The following IKBKB variants were observed in gnomAD, a reference collection of about 807,000 sequenced individuals.
IKBKB encodes the protein inhibitor of nuclear factor kappa B kinase subunit beta.
IKBKB carries 42 observed loss-of-function variants against 113.6 expected under a neutral mutation model. The observed-to-expected ratio is 0.37, with a 90% CI of 0.29 to 0.48. IKBKB has a LOEUF of 0.48. Ranked by LOEUF, IKBKB falls within the 20% of genes least tolerant of loss-of-function variation. The probability of loss-of-function intolerance (pLI) is 0.99; values close to 1 mark genes in which losing one functional copy is unlikely to be tolerated. For missense variants in IKBKB, 673 were observed against 939.7 expected, an observed-to-expected ratio of 0.72 and a Z score of 3.71; for synonymous variants, 296 against 361.3, an observed-to-expected ratio of 0.82 and a Z score of 2.05.
At position 42,302,322 on chromosome 8, in the gene IKBKB, T is replaced by C. The variant is rs566398499; in HGVS notation, c.389-2865T>C. On this transcript the variant is annotated intron_variant, in intron 5 of 21. Coordinates refer to ENST00000520810, the MANE Select transcript of IKBKB (RefSeq NM_001556.3). ...GATGAAATATAATTTTTTAGGCACA[T>C]GGAAAGCAGCGAGTCTTTCACCTCA... Among the ~76,000 whole-genome samples, 4 of 152,370 alleles carry C rather than the reference T, an allele frequency of 2.6e-5. No homozygotes were observed. In the South Asian group the frequency reaches 8.3e-4, roughly 32 times the overall value.
chr8:42,328,062 G>A lies in IKBKB; in HGVS notation c.2115-1062G>A, dbSNP rs370170987. 1.6e-4 allele frequency among the ~76,000 whole-genome samples: 4 copies of A among 24,414 alleles called. 1 individual carries two copies. The highest frequency in any genetic ancestry group is 2.2e-3 in the Admixed American group (2 of 916). The allele number at this position is 24,414 out of a possible 152,430, so 16.0% of individuals were successfully genotyped here. On this transcript the variant is annotated intron_variant, in intron 20 of 21. Transcript: ENST00000520810. Reference sequence around the variant, plus strand: ...CCTGACCTCATGATCCACCCGCCTCGGCCTCCCAAAGTGCTGGGATTACAG... The same window carrying A: ...CCTGACCTCATGATCCACCCGCCTCAGCCTCCCAAAGTGCTGGGATTACAG...
At chr8:42,312,108 G>C (rs910864368) in intron 8 of IKBKB, among the ~76,000 whole-genome samples, 6 of 152,106 alleles carry the variant, frequency 3.9e-5, no homozygotes, top group African/African-American at 1.4e-4. Context: ...GGATGGTCTC[G>C]ATCTCCTGAC....
Position 42,331,722 on chromosome 8 carries a change from T to C in IKBKB, c.*743T>C, listed in dbSNP as rs1346447872. The C allele has an allele frequency of 2.6e-6, 1 of 392,054 alleles. No homozygotes were observed. The highest frequency in any genetic ancestry group is 4.7e-6 in the Non-Finnish European group (1 of 211,328). 24.3% of individuals were successfully genotyped at this position (392,054 alleles called of 1,614,324 possible). On this transcript the variant is annotated 3_prime_UTR_variant, in exon 22 of 22. Coordinates refer to ENST00000520810, the MANE Select transcript of IKBKB (RefSeq NM_001556.3). ...TAACCAGGATGGGAGAGCAGCTGCCTTATTCTGAATCCCAAAAATTACTTG... is the reference window on the plus strand; with the variant it reads ...TAACCAGGATGGGAGAGCAGCTGCCCTATTCTGAATCCCAAAAATTACTTG...
At chr8:42,301,825 C>A (rs761007983) in intron 5 of IKBKB, among the ~76,000 whole-genome samples, 51 of 152,358 alleles carry the variant, frequency 3.3e-4, no homozygotes, top group Non-Finnish European at 6.0e-4. Context: ...AATGCTCCTC[C>A]TCTTCACTGG....
intron 7 of IKBKB, 130 bp from the exon 8 acceptor site, chr8:42,308,771 C>A (rs189871853): frequency 2.5e-6 from 2 of 807,566 alleles, no homozygotes; most frequent in Admixed American, 4.6e-5. Flanking sequence ...GTGCCCTCCT[C>A]GCCCTGCATG....
chr8:42,271,446 C>T lies in IKBKB; in HGVS notation c.-42C>T, dbSNP rs936301704. 1.5e-5 allele frequency: 22 copies of T among 1,426,010 alleles called. No individual in the cohort carries two copies. The highest frequency in any genetic ancestry group is 2.0e-5 in the Non-Finnish European group (21 of 1,051,704). 88.3% of individuals were successfully genotyped at this position (1,426,010 alleles called of 1,614,324 possible). A position where few individuals can be genotyped will look rare whatever the true frequency, so the allele number is the denominator to read the frequency against. Reference sequence around the variant, plus strand: ...CTTCCCCGCCCCGGGGAGCCCGCCCCCTGCCCCGCGTCCCTGCCGACAGGT... The same window carrying T: ...CTTCCCCGCCCCGGGGAGCCCGCCCTCTGCCCCGCGTCCCTGCCGACAGGT... On this transcript the variant is annotated 5_prime_UTR_variant, in exon 1 of 22. Transcript: ENST00000520810.
intron 5 of IKBKB, among the ~76,000 whole-genome samples, chr8:42,303,489 GC>G (rs1160132001): frequency 6.6e-6 from 1 of 151,508 alleles, no homozygotes; most frequent in Admixed American, 6.6e-5. Context: ...GACATTCTTT[GC>G]CCATTTTTCT....
intron 2 of IKBKB, among the ~76,000 whole-genome samples, chr8:42,272,950 A>C (rs933801260): frequency 6.6e-6 from 1 of 150,822 alleles, no homozygotes; most frequent in African/African-American, 2.4e-5. Flanking sequence ...AAAAAAAAAA[A>C]AAAAAAAAAA....
rs17875686 is a variant in IKBKB, at chr8:42,294,640, T to C, written c.388+1128T>C. On this transcript the variant is annotated intron_variant, in intron 5 of 21. Transcript: ENST00000520810. ...CTGACACAGAAAATTCCCATCTTGCTCTGTGCTGTGTCTTCGTCCCTTTGG... is the reference window on the plus strand; with the variant it reads ...CTGACACAGAAAATTCCCATCTTGCCCTGTGCTGTGTCTTCGTCCCTTTGG... 1.3e-3 allele frequency among the ~76,000 whole-genome samples: 202 copies of C among 152,354 alleles called. 1 individual carries two copies. Among genetic ancestry groups the C allele is most frequent in the African/African-American group, 4.4e-3 (184 of 41,578 alleles).
At chr8:42,274,045 T>TC (rs1350872544) in intron 2 of IKBKB, among the ~76,000 whole-genome samples, 1 of 152,100 alleles carries the variant, frequency 6.6e-6, no homozygotes, top group Non-Finnish European at 1.5e-5. Context: ...TTTTTTTTTT[T>TC]CCGGAGACAG....
chr8:42,306,263 C>T lies in IKBKB; in HGVS notation c.478-80C>T, dbSNP rs1816503739. On this transcript the variant is annotated intron_variant, in intron 6 of 21. Coordinates refer to ENST00000520810, the MANE Select transcript of IKBKB (RefSeq NM_001556.3). Reference sequence around the variant, plus strand: ...CTGGGAATTCAGAAATACCTCTGCTCTAACACCAGGCAGTCAGAATCCTCG... The same window carrying T: ...CTGGGAATTCAGAAATACCTCTGCTTTAACACCAGGCAGTCAGAATCCTCG... 5 of 893,094 alleles carry T rather than the reference C, an allele frequency of 5.6e-6. No homozygotes were observed. The Admixed American group carries it at 5.6e-5, about 10-fold the overall frequency. The allele number at this position is 893,094 out of a possible 1,614,324, so 55.3% of individuals were successfully genotyped here. A position where few individuals can be genotyped will look rare whatever the true frequency, so the allele number is the denominator to read the frequency against.
At chr8:42,295,995 G>A (rs1813706344) in intron 5 of IKBKB, among the ~76,000 whole-genome samples, 1 of 152,028 alleles carries the variant, frequency 6.6e-6, no homozygotes, top group Admixed American at 6.5e-5. Context: ...GTGTGCTATA[G>A]GTCTCCTATA....
chr8:42,332,245 G>A lies in IKBKB; in HGVS notation c.*1266G>A, dbSNP rs1821750395. 1 of 152,166 alleles carries A rather than the reference G, an allele frequency of 6.6e-6. No individual in the cohort carries two copies. Among genetic ancestry groups the A allele is most frequent in the African/African-American group, 2.4e-5 (1 of 41,430 alleles). 9.4% of individuals were successfully genotyped at this position (152,166 alleles called of 1,614,324 possible). A position where few individuals can be genotyped will look rare whatever the true frequency, so the allele number is the denominator to read the frequency against. ...CAAGTAAGTTTAGGGAGCTATTCATGTTTCACTTGCTTTGTGGAGATTCAC... is the reference window on the plus strand; with the variant it reads ...CAAGTAAGTTTAGGGAGCTATTCATATTTCACTTGCTTTGTGGAGATTCAC... On this transcript the variant is annotated 3_prime_UTR_variant, in exon 22 of 22. Coordinates refer to ENST00000520810, the MANE Select transcript of IKBKB (RefSeq NM_001556.3).
At chr8:42,299,681 C>T (rs370101867) in intron 5 of IKBKB, among the ~76,000 whole-genome samples, 3 of 152,154 alleles carry the variant, frequency 2.0e-5, no homozygotes, top group South Asian at 2.1e-4. Flanking sequence ...CGCCAGCCTC[C>T]GTGCGTGATT....
At chr8:42,323,314 A>G (rs200021367) in intron 19 of IKBKB, among the ~76,000 whole-genome samples, 40 of 152,370 alleles carry the variant, frequency 2.6e-4, no homozygotes, top group East Asian at 3.9e-4. Flanking sequence ...TTGGTTGACC[A>G]TCGTCTGCGT....
intron 4 of IKBKB, 95 bp from the exon 5 acceptor site, chr8:42,293,348 C>A: frequency 6.7e-7 from 1 of 1,499,188 alleles, no homozygotes; most frequent in Non-Finnish European, 9.2e-7. Context: ...GGCCCAGGGT[C>A]AGCACTCTGG....
rs559554203 is a variant in IKBKB at position 42,288,923 on chromosome 8, A to G, written c.200+195A>G. ...ATGGTGAAACCCCGTCTCTACTAAA[A>G]ATACAAAAAATTAGCCGGGCATGGG... On this transcript the variant is annotated intron_variant, in intron 3 of 21. Coordinates refer to ENST00000520810, the MANE Select transcript of IKBKB (RefSeq NM_001556.3). 1.2e-3 allele frequency among the ~76,000 whole-genome samples: 185 copies of G among 152,326 alleles called. 1 individual carries two copies. Among genetic ancestry groups the G allele is most frequent in the African/African-American group, 4.0e-3 (166 of 41,564 alleles).
intron 4 of IKBKB, among the ~76,000 whole-genome samples, chr8:42,290,570 A>C (rs1227919956): frequency 6.6e-6 from 1 of 152,178 alleles, no homozygotes. Flanking sequence ...GTGGGGAAGG[A>C]CTGGGCAAGT....
intron 6 of IKBKB, 135 bp downstream of exon 6, chr8:42,305,410 T>G: frequency 1.6e-6 from 1 of 639,016 alleles, no homozygotes. Context: ...GGGAATGCTG[T>G]TTGATTTGAA....
Sources: allele counts gnomAD v4.1 joint callset (sites outside exome capture counted in the v4.1 genomes callset), GRCh38; gene constraint gnomAD v4.1.1; transcripts MANE v1.5; gene names NCBI Gene and HGNC (gene_info 2026-07-23, HGNC 2026-07-21).